PLCXD3: variants seen among roughly 807,000 people sequenced by gnomAD.
PLCXD3 encodes PI-PLC X domain-containing protein 3.
In PLCXD3, 19 loss-of-function variants were observed where a neutral mutation model predicts 25.5. The observed-to-expected ratio is 0.75, with a 90% CI of 0.52 to 1.09. The LOEUF is 1.09. Ranked by LOEUF, PLCXD3 falls within the 50% of genes least tolerant of loss-of-function variation. The probability of loss-of-function intolerance (pLI) is 0.00; values close to 1 mark genes in which losing one functional copy is unlikely to be tolerated. For synonymous variants in PLCXD3, 174 were observed against 137.6 expected (o/e 1.26, Z -1.85); for missense variants, 411 against 388.1 (o/e 1.06, Z -0.50).
chr5:41,456,988 G>A (rs187669669), intron 1 of PLCXD3, among the ~76,000 whole-genome samples: 13 of 151,986 alleles, frequency 8.6e-5, no homozygotes, highest in Non-Finnish European at 1.8e-4. Context: ...TTTTAAAAAG[G>A]GTTGGGGTTT....
chr5:41,463,760 AT>A (rs1312073274), intron 1 of PLCXD3, among the ~76,000 whole-genome samples: 1 of 151,428 alleles, frequency 6.6e-6, no homozygotes, highest in East Asian at 1.9e-4. Flanking sequence ...CTGCGGCACT[AT>A]TTTTTTTAAG....
chr5:41,355,980 CT>C (rs1744605838), intron 2 of PLCXD3, among the ~76,000 whole-genome samples: 1 of 152,078 alleles, frequency 6.6e-6, no homozygotes, highest in African/African-American at 2.4e-5. Context: ...GGCCATTTAT[CT>C]TTGTTACCCA....
At chr5:41,320,895 A>G (rs1443606224) in intron 2 of PLCXD3, among the ~76,000 whole-genome samples, 1 of 152,252 alleles carries the variant, frequency 6.6e-6, no homozygotes, top group Admixed American at 6.5e-5. Flanking sequence ...AGAAGTCAAC[A>G]TCCCTTCATT....
intron 2 of PLCXD3, among the ~76,000 whole-genome samples, chr5:41,373,752 T>C (rs990364953): frequency 3.3e-5 from 5 of 152,142 alleles, no homozygotes; most frequent in African/African-American, 1.2e-4. Flanking sequence ...TGGGATGCAG[T>C]GCCATAATGT....
chr5:41,401,239 A>T (rs895005687), intron 1 of PLCXD3, among the ~76,000 whole-genome samples: 15 of 151,964 alleles, frequency 9.9e-5, no homozygotes, highest in African/African-American at 3.4e-4. Context: ...TTTGTTTTTT[A>T]TTCTTTGGTT....
rs575869344 is a variant in PLCXD3 at position 41,486,873 on chromosome 5, C to T, written c.103+23551G>A. 4.1e-4 allele frequency among the ~76,000 whole-genome samples: 63 copies of T among 152,212 alleles called. No individual in the cohort carries two copies. The Middle Eastern group carries it at 0.014, about 33-fold the overall frequency. ...GCACCTCAGAGGGTATTTAGTGATT[C>T]CCCTGGAGCTATTGTAAGTAGCAGA... On this transcript the variant is annotated intron_variant, in intron 1 of 2. Coordinates refer to ENST00000377801, the MANE Select transcript of PLCXD3 (RefSeq NM_001005473.3).
At chr5:41,356,436 A>G (rs1744619297) in intron 2 of PLCXD3, among the ~76,000 whole-genome samples, 1 of 152,180 alleles carries the variant, frequency 6.6e-6, no homozygotes, top group African/African-American at 2.4e-5. Context: ...TGGGCAAATC[A>G]TTTCATATGT....
chr5:41,454,005 G>T (rs1172347429), intron 1 of PLCXD3, among the ~76,000 whole-genome samples: 2 of 151,604 alleles, frequency 1.3e-5, no homozygotes, highest in African/African-American at 4.8e-5. Flanking sequence ...CCTTTTTTTG[G>T]CATGGATTTA....
At chr5:41,421,569 C>T (rs980523367) in intron 1 of PLCXD3, among the ~76,000 whole-genome samples, 1 of 152,024 alleles carries the variant, frequency 6.6e-6, no homozygotes, top group Non-Finnish European at 1.5e-5. Flanking sequence ...GGCGCGGTGG[C>T]GGGGGCCTGT....
At chr5:41,439,282 C>T (rs1747326291) in intron 1 of PLCXD3, among the ~76,000 whole-genome samples, 1 of 152,172 alleles carries the variant, frequency 6.6e-6, no homozygotes, top group Non-Finnish European at 1.5e-5. Context: ...TACTACTTGC[C>T]TATCCAACAT....
chr5:41,480,165 A>ATATT (rs1748366914), intron 1 of PLCXD3, among the ~76,000 whole-genome samples: 1 of 152,142 alleles, frequency 6.6e-6, no homozygotes, highest in South Asian at 2.1e-4. Flanking sequence ...TTTTGCCCAA[A>ATATT]TATTAGCCAA....
At chr5:41,447,157 C>T (rs1231765383) in intron 1 of PLCXD3, among the ~76,000 whole-genome samples, 1 of 152,114 alleles carries the variant, frequency 6.6e-6, no homozygotes, top group Non-Finnish European at 1.5e-5. Context: ...AACTCTTATC[C>T]AGTTCCTGAT....
intron 1 of PLCXD3, among the ~76,000 whole-genome samples, chr5:41,387,190 C>T (rs1321646932): frequency 6.6e-6 from 1 of 152,002 alleles, no homozygotes; most frequent in African/African-American, 2.4e-5. Flanking sequence ...CCTCTAGGAG[C>T]TGAGGTCTGA....
At chr5:41,398,825 T>G (rs1580350905) in intron 1 of PLCXD3, among the ~76,000 whole-genome samples, 1 of 152,172 alleles carries the variant, frequency 6.6e-6, no homozygotes, top group Non-Finnish European at 1.5e-5. Context: ...CTCACCTCTG[T>G]TATTCAACAT....
chr5:41,320,586 T>A (rs1301376982), intron 2 of PLCXD3, among the ~76,000 whole-genome samples: 1 of 152,204 alleles, frequency 6.6e-6, no homozygotes, highest in Non-Finnish European at 1.5e-5. Context: ...AAGCTCCACC[T>A]CCCGGGTTCA....
At chr5:41,333,627 TA>T (rs1743896542) in intron 2 of PLCXD3, among the ~76,000 whole-genome samples, 1 of 152,136 alleles carries the variant, frequency 6.6e-6, no homozygotes, top group Admixed American at 6.6e-5. Context: ...ACAGTTCATT[TA>T]AAAAATATTT....
At chr5:41,470,577 C>A (rs988322599) in intron 1 of PLCXD3, among the ~76,000 whole-genome samples, 4 of 152,066 alleles carry the variant, frequency 2.6e-5, no homozygotes, top group Admixed American at 2.6e-4. Flanking sequence ...AGAAGTTGAT[C>A]CAGAAGGGGC....
chr5:41,481,517 G>A (rs1263303932), intron 1 of PLCXD3, among the ~76,000 whole-genome samples: 1 of 152,146 alleles, frequency 6.6e-6, no homozygotes, highest in Admixed American at 6.5e-5. Context: ...CTTCCTTTAG[G>A]ATCCTAAGGT....
At chr5:41,394,232 T>G (rs1307308238) in intron 1 of PLCXD3, among the ~76,000 whole-genome samples, 1 of 152,146 alleles carries the variant, frequency 6.6e-6, no homozygotes, top group African/African-American at 2.4e-5. Flanking sequence ...CAGGTTAAAA[T>G]AATGTTTATA....
Sources: gnomAD v4.1 joint callset for allele counts (sites outside exome capture counted in the v4.1 genomes callset) on GRCh38, gnomAD v4.1.1 for gene constraint, MANE v1.5 for transcripts, NCBI Gene and HGNC (gene_info 2026-07-23, HGNC 2026-07-21) for gene names.